Variants in MICU1 observed in about 807,000 individuals in gnomAD.
MICU1 encodes the protein calcium uptake protein 1, mitochondrial.
In MICU1, 45 loss-of-function variants were observed where a neutral mutation model predicts 56.8. The observed-to-expected ratio is 0.79, with a 90% confidence interval of 0.62 to 1.02. The LOEUF (loss-of-function observed/expected upper bound fraction) is 1.02, where lower values mean the gene tolerates loss of function less well. Among genes scored for constraint, MICU1 ranks in the 50% least tolerant of loss-of-function variants. MICU1 has a pLI of 0.00. For missense variants in MICU1, 504 were observed against 587.1 expected, an observed-to-expected ratio of 0.86 and a Z score of 1.46; for synonymous variants, 186 against 195.1, an observed-to-expected ratio of 0.95 and a Z score of 0.39.
intron 9 of MICU1, among the ~76,000 whole-genome samples, chr10:72,421,079 C>T (rs990353192): frequency 6.7e-6 from 1 of 150,266 alleles, no homozygotes; most frequent in African/African-American, 2.4e-5. Context: ...ACACGTCTTA[C>T]ATTGCGGCAA....
chr10:72,395,111 G>A (rs1425797481), intron 10 of MICU1, among the ~76,000 whole-genome samples: 10 of 152,082 alleles, frequency 6.6e-5, no homozygotes, highest in Admixed American at 3.3e-4. Context: ...CCCAGGAGGC[G>A]GTGCTTGCAG....
At chr10:72,569,233 A>ATTTTTTTTTTTTTTTT (rs1231227018) in intron 1 of MICU1, among the ~76,000 whole-genome samples, 5 of 40,326 alleles carry the variant, frequency 1.2e-4, no homozygotes, top group African/African-American at 1.8e-4. Flanking sequence ...ATATATATAT[A>ATTTTTTTTTTTTTTTT]TATATTTTTT....
At chr10:72,383,135 A>G (rs1176826256) in intron 10 of MICU1, among the ~76,000 whole-genome samples, 1 of 151,808 alleles carries the variant, frequency 6.6e-6, no homozygotes, top group African/African-American at 2.4e-5. Context: ...AGTCCTAGCT[A>G]CTTGGGAAAC....
chr10:72,380,201 G>A (rs1483936869), intron 10 of MICU1, among the ~76,000 whole-genome samples: 1 of 152,162 alleles, frequency 6.6e-6, no homozygotes, highest in African/African-American at 2.4e-5. Flanking sequence ...ACTGATGGTT[G>A]GGATTCCAGC....
intron 8 of MICU1, among the ~76,000 whole-genome samples, chr10:72,465,321 T>TC (rs1171980982): frequency 2.7e-5 from 4 of 150,376 alleles, no homozygotes; most frequent in Non-Finnish European, 5.9e-5. Flanking sequence ...TTTTTTTTTT[T>TC]TTTTTGGTAA....
At chr10:72,441,533 T>G (rs1355422977) in intron 8 of MICU1, among the ~76,000 whole-genome samples, 7 of 144,980 alleles carry the variant, frequency 4.8e-5, no homozygotes, top group Non-Finnish European at 1.0e-4. Context: ...GCACATGTAC[T>G]CTAGAACTTA....
At chr10:72,483,880 C>A (rs574707006) in intron 6 of MICU1, 13 of 152,308 alleles carry the variant, frequency 8.5e-5, no homozygotes, top group South Asian at 8.3e-4. Flanking sequence ...AACAAAAAAA[C>A]CACATAGACT....
At chr10:72,413,779 T>C (rs1863898754) in intron 9 of MICU1, among the ~76,000 whole-genome samples, 1 of 152,018 alleles carries the variant, frequency 6.6e-6, no homozygotes, top group Non-Finnish European at 1.5e-5. Flanking sequence ...TATAAACAAC[T>C]ATTATAACTC....
chr10:72,421,766 C>T (rs536160627), intron 9 of MICU1, among the ~76,000 whole-genome samples: 3 of 152,338 alleles, frequency 2.0e-5, no homozygotes, highest in East Asian at 1.9e-4. Flanking sequence ...AAACTATCTT[C>T]CATAAAACAG....
chr10:72,431,468 C>T (rs1864529570), intron 8 of MICU1, among the ~76,000 whole-genome samples: 1 of 152,124 alleles, frequency 6.6e-6, no homozygotes, highest in African/African-American at 2.4e-5. Flanking sequence ...TCTAAATGGA[C>T]ATCTCAATTA....
chr10:72,380,156 T>C (rs552072722), intron 10 of MICU1, among the ~76,000 whole-genome samples: 2 of 152,320 alleles, frequency 1.3e-5, no homozygotes, highest in African/African-American at 4.8e-5. Context: ...CAGTTGTTGG[T>C]ACTGGAATTC....
At chr10:72,506,970 T>C (rs1867273748) in intron 6 of MICU1, among the ~76,000 whole-genome samples, 1 of 151,918 alleles carries the variant, frequency 6.6e-6, no homozygotes, top group African/African-American at 2.4e-5. Context: ...GGCATATACA[T>C]ATATATATAT....
Position 72,368,216 on chromosome 10 carries a change from GTCCCAGGCAGTT to G in MICU1, c.1398_1409del (p.Glu466_Trp469del). ...GGGGTTACTGTTTGGGTAAAGCGAA[GTCCCAGGCAGTT>G]TCCTGTGCACATTTCCACATGGCCT... is the stretch of plus-strand genomic sequence containing the variant. On this transcript the variant is annotated inframe_deletion, in exon 12 of 12. Coordinates refer to ENST00000361114, the MANE Select transcript of MICU1 (RefSeq NM_001195518.2). The G allele has an allele frequency of 6.2e-7, 1 of 1,613,458 alleles. No homozygotes were observed. Among genetic ancestry groups the G allele is most frequent in the Non-Finnish European group, 8.5e-7 (1 of 1,179,686 alleles).
At chr10:72,577,067 G>A (rs887966914) in intron 1 of MICU1, among the ~76,000 whole-genome samples, 1 of 152,126 alleles carries the variant, frequency 6.6e-6, no homozygotes, top group African/African-American at 2.4e-5. Context: ...ATTCTTCTAA[G>A]TGAAGTATCT....
chr10:72,445,759 C>A (rs1371747822), intron 8 of MICU1, among the ~76,000 whole-genome samples: 1 of 152,086 alleles, frequency 6.6e-6, no homozygotes, highest in African/African-American at 2.4e-5. Flanking sequence ...TACTTCTGGG[C>A]AATTTTTAAC....
At chr10:72,453,278 A>G in intron 8 of MICU1, among the ~76,000 whole-genome samples, 1 of 152,230 alleles carries the variant, frequency 6.6e-6, no homozygotes, top group East Asian at 1.9e-4. Flanking sequence ...GTCGGATGAT[A>G]GATATATATT....
intron 5 of MICU1, among the ~76,000 whole-genome samples, chr10:72,512,076 T>C (rs1867470387): frequency 6.8e-6 from 1 of 147,910 alleles, no homozygotes; most frequent in African/African-American, 2.5e-5. Context: ...TCATCCCTTA[T>C]CAATCTGGCA....
At chr10:72,607,122 C>CAGG (rs1456633457) in intron 1 of MICU1, among the ~76,000 whole-genome samples, 2 of 151,610 alleles carry the variant, frequency 1.3e-5, no homozygotes, top group Admixed American at 1.3e-4. Flanking sequence ...GGGTGGCTCA[C>CAGG]AGGAGGTCAG....
rs538911971 is a variant in MICU1, at chr10:72,473,842, C to T, written c.933+1258G>A. 1.7e-3 allele frequency among the ~76,000 whole-genome samples: 266 copies of T among 152,230 alleles called. 2 individuals carry two copies. The highest frequency in any genetic ancestry group is 6.1e-3 in the African/African-American group (253 of 41,536). On this transcript the variant is annotated intron_variant, in intron 8 of 11. Coordinates refer to ENST00000361114, the MANE Select transcript of MICU1 (RefSeq NM_001195518.2). ...CTTGGGGAAACAGGGAAAGCAGATACAGAAGTAACATACATAGTTTAAAAA... is the reference window on the plus strand; with the variant it reads ...CTTGGGGAAACAGGGAAAGCAGATATAGAAGTAACATACATAGTTTAAAAA...
Sources: gnomAD v4.1 joint callset for allele counts (sites outside exome capture counted in the v4.1 genomes callset) on GRCh38, gnomAD v4.1.1 for gene constraint, MANE v1.5 for transcripts, NCBI Gene and HGNC (gene_info 2026-07-23, HGNC 2026-07-21) for gene names.